The following ANKRD28 variants were observed in gnomAD, a reference collection of about 807,000 sequenced individuals.
The protein encoded by ANKRD28 is ankyrin repeat domain 28, also known as serine/threonine-protein phosphatase 6 regulatory ankyrin repeat subunit A.
ANKRD28 carries 44 observed loss-of-function variants against 126.5 expected under a neutral mutation model. The observed-to-expected ratio is 0.35, with a 90% CI of 0.27 to 0.45. The LOEUF (loss-of-function observed/expected upper bound fraction) is 0.45. ANKRD28 is among the 20% of genes least tolerant of loss of function. ANKRD28 has a pLI of 1.00. For synonymous variants in ANKRD28, 442 were observed against 468.5 expected, an observed-to-expected ratio of 0.94 and a Z score of 0.73; for missense variants, 1,110 against 1,316.6, an observed-to-expected ratio of 0.84 and a Z score of 2.43.
chr3:15,823,383 T>C (rs1478796638), intron 1 of ANKRD28, among the ~76,000 whole-genome samples: 2 of 152,124 alleles, frequency 1.3e-5, no homozygotes, highest in African/African-American at 2.4e-5. Flanking sequence ...ACCCCTGCTA[T>C]AACAAATAAA....
At chr3:15,810,807 C>T (rs2060696621) in intron 1 of ANKRD28, among the ~76,000 whole-genome samples, 1 of 151,452 alleles carries the variant, frequency 6.6e-6, no homozygotes, top group Non-Finnish European at 1.5e-5. Flanking sequence ...AGAGTGGTTA[C>T]ATGACAAAGT....
chr3:15,670,655 T>C (rs1038961690), intron 27 of ANKRD28, 99 bp from the exon 28 acceptor site: 104 of 1,183,818 alleles, frequency 8.8e-5, no homozygotes, highest in Non-Finnish European at 1.0e-4. Context: ...AGACATATTT[T>C]ACATTACTTA....
At chr3:15,850,190 TAA>T (rs1238069051) in intron 1 of ANKRD28, among the ~76,000 whole-genome samples, 1,325 of 31,792 alleles carry the variant, frequency 0.042, 41 homozygotes, top group East Asian at 0.12. Flanking sequence ...CTACATGCAA[TAA>T]AAAAAAAAAA....
Position 15,756,743 on chromosome 3 carries a change from T to C in ANKRD28, c.281-4923A>G, listed in dbSNP as rs150855100. 3.3e-5 allele frequency among the ~76,000 whole-genome samples: 5 copies of C among 152,136 alleles called. No individual in the cohort carries two copies. In the East Asian group the frequency reaches 7.7e-4, roughly 23 times the overall value. Reference sequence around the variant, plus strand: ...TGGATATGAATATGTATGGACAGGATTGGGTGAGGATGGGCCCCAGATTTA... The same window carrying C: ...TGGATATGAATATGTATGGACAGGACTGGGTGAGGATGGGCCCCAGATTTA... On this transcript the variant is annotated intron_variant, in intron 3 of 27. Coordinates refer to ENST00000683139, the MANE Select transcript of ANKRD28 (RefSeq NM_001349278.2).
chr3:15,764,531 A>C (rs1035657669), intron 3 of ANKRD28, among the ~76,000 whole-genome samples: 4 of 119,386 alleles, frequency 3.4e-5, no homozygotes, highest in Non-Finnish European at 7.7e-5. Flanking sequence ...TGGGTGTAAA[A>C]ATAAAAAATG....
intron 2 of ANKRD28, among the ~76,000 whole-genome samples, chr3:15,788,957 T>C (rs2059905273): frequency 1.3e-5 from 2 of 152,168 alleles, no homozygotes. Flanking sequence ...ACTCAACTTG[T>C]ATAGCCAATA....
chr3:15,696,463 G>A lies in ANKRD28; in HGVS notation c.1548-218C>T, dbSNP rs145258191. On this transcript the variant is annotated intron_variant, in intron 14 of 27. Transcript: ENST00000683139. ...CATGAGAATCTTCTTGATTCAAAGTGGATACCTCAAAAGTCTGTCAGACAG... is the reference window on the plus strand; with the variant it reads ...CATGAGAATCTTCTTGATTCAAAGTAGATACCTCAAAAGTCTGTCAGACAG... Among the ~76,000 whole-genome samples the A allele has an allele frequency of 5.3e-5, 8 of 151,982 alleles. No individual in the cohort carries two copies. In the East Asian group the frequency reaches 1.2e-3, roughly 22 times the overall value.
At chr3:15,770,711 C>T (rs981808898) in intron 2 of ANKRD28, among the ~76,000 whole-genome samples, 1 of 152,160 alleles carries the variant, frequency 6.6e-6, no homozygotes, top group Non-Finnish European at 1.5e-5. Flanking sequence ...ACTCTTAGAA[C>T]TTCAGCAGCC....
intron 1 of ANKRD28, among the ~76,000 whole-genome samples, chr3:15,820,615 A>G (rs2060923545): frequency 6.6e-6 from 1 of 152,188 alleles, no homozygotes. Context: ...CATCTGACAC[A>G]CACACAAAAT....
intron 5 of ANKRD28, 84 bp from the exon 6 acceptor site, chr3:15,735,581 A>C: frequency 2.3e-4 from 242 of 1,035,578 alleles, no homozygotes; most frequent in Non-Finnish European, 3.0e-4. Context: ...TACTTATCTC[A>C]ACTTCTCTGG....
intron 4 of ANKRD28, among the ~76,000 whole-genome samples, chr3:15,741,972 C>T (rs945516795): frequency 3.3e-5 from 5 of 151,964 alleles, no homozygotes; most frequent in East Asian, 1.9e-4. Context: ...CTCCTAACTG[C>T]GAGTGATCCG....
Position 15,815,787 on chromosome 3 carries a change from A to G in ANKRD28, c.28-20481T>C, listed in dbSNP as rs1260625400. Among the ~76,000 whole-genome samples, 5 of 152,208 alleles carry G rather than the reference A, an allele frequency of 3.3e-5. No homozygotes were observed. The highest frequency in any genetic ancestry group is 4.8e-5 in the African/African-American group (2 of 41,448). On this transcript the variant is annotated intron_variant, in intron 1 of 27. Coordinates refer to the ANKRD28 transcript ENST00000399451. This position sits in a 1 kb window ranked among gnomAD's most constrained non-coding sequence, Gnocchi z 4.1. ...ATCTGTTATTTCTTCCCTTGTCAAA[A>G]TTATTTATGAACAAATCAACCTCAT...
At chr3:15,801,453 CTG>C (rs1226489442), upstream of ANKRD28, among the ~76,000 whole-genome samples, 1 of 152,086 alleles carries the variant, frequency 6.6e-6, no homozygotes, top group Non-Finnish European at 1.5e-5. The surrounding 1 kb of genome is among the most constrained non-coding windows in gnomAD (Gnocchi z 4.9). Context: ...AGTGGCTACT[CTG>C]TGGCAAGTAA....
chr3:15,847,140 C>G (rs1188803102), intron 1 of ANKRD28, among the ~76,000 whole-genome samples: 1 of 152,100 alleles, frequency 6.6e-6, no homozygotes, highest in Non-Finnish European at 1.5e-5. Context: ...CCAAGTGACT[C>G]TGATGTATGC....
exon 1 of ANKRD28, chr3:15,859,567 G>A: frequency 5.7e-6 from 2 of 353,310 alleles, no homozygotes; most frequent in Non-Finnish European, 8.2e-6. Context: ...GGGCGGCGCC[G>A]CCTCCCCGGC....
chr3:15,681,705 C>T (rs2067564812), intron 21 of ANKRD28, among the ~76,000 whole-genome samples: 1 of 152,088 alleles, frequency 6.6e-6, no homozygotes, highest in Non-Finnish European at 1.5e-5. Flanking sequence ...TGTGTTCCAT[C>T]TTTTGTCAGT....
chr3:15,686,999 A>C (rs2068205772), intron 18 of ANKRD28, among the ~76,000 whole-genome samples: 1 of 148,688 alleles, frequency 6.7e-6, no homozygotes, highest in East Asian at 2.0e-4. Flanking sequence ...GCTGGAGTGT[A>C]GTGGTGTGAT....
rs2061173435 is a variant in ANKRD28 at position 15,830,864 on chromosome 3, C to T, written c.27+28513G>A. ...GACCTCTGGAGGGGATGGAGACTAACATCAGCCACAGGTGTGGTCAACCAT... is the reference window on the plus strand; with the variant it reads ...GACCTCTGGAGGGGATGGAGACTAATATCAGCCACAGGTGTGGTCAACCAT... On this transcript the variant is annotated intron_variant, in intron 1 of 27. Coordinates refer to the ANKRD28 transcript ENST00000399451. This position sits in a 1 kb window ranked among gnomAD's most constrained non-coding sequence, Gnocchi z 4.5. 6.6e-6 allele frequency among the ~76,000 whole-genome samples: 1 copy of T among 152,044 alleles called. No homozygotes were observed. The highest frequency in any genetic ancestry group is 6.5e-5 in the Admixed American group (1 of 15,272).
At chr3:15,809,988 A>G (rs567523051) in intron 1 of ANKRD28, among the ~76,000 whole-genome samples, 2 of 152,236 alleles carry the variant, frequency 1.3e-5, no homozygotes, top group African/African-American at 4.8e-5. Context: ...CATCCACAAA[A>G]TGTATAGGTT....
Sources: allele counts gnomAD v4.1 joint callset (sites outside exome capture counted in the v4.1 genomes callset), GRCh38; gene constraint gnomAD v4.1.1; non-coding constraint Gnocchi (gnomAD v3.1); transcripts MANE v1.5; gene names NCBI Gene and HGNC (gene_info 2026-07-23, HGNC 2026-07-21).